Variants in OARD1 observed in about 807,000 individuals in gnomAD.
OARD1 encodes ADP-ribose glycohydrolase OARD1.
A neutral mutation model predicts 19.7 loss-of-function variants in OARD1; 19 were observed. That is an observed-to-expected ratio of 0.96 (90% CI 0.67 to 1.41). The LOEUF is 1.41. Ranked by LOEUF, OARD1 falls within the 40% of genes most tolerant of loss-of-function variation. OARD1 has a pLI of 0.00. For synonymous variants in OARD1, 70 were observed against 61.8 expected, an observed-to-expected ratio of 1.13 and a Z score of -0.62; for missense variants, 190 against 183.8, an observed-to-expected ratio of 1.03 and a Z score of -0.20.
At chr6:41,079,212 C>A in intron 1 of OARD1, 1 of 1,542,484 alleles carries the variant, frequency 6.5e-7, no homozygotes, top group Non-Finnish European at 9.0e-7. Flanking sequence ...AAACTGATAA[C>A]AGCACCACTC....
rs746058657 is a variant in OARD1 at position 41,071,216 on chromosome 6, T to C, written c.100A>G (p.Ile34Val). 9 of 1,613,190 alleles carry C rather than the reference T, an allele frequency of 5.6e-6. No individual in the cohort carries two copies. The South Asian group carries it at 6.6e-5, about 12-fold the overall frequency. ...CPKTDSLAHCISEDCRMGAGI... is the reference protein window; with the variant it reads ...CPKTDSLAHCVSEDCRMGAGI... ...GCGCCCATGCGACAATCCTCACTGA[T>C]ACAGTGGGCTAAAGAGTCTGTTTTC... The change falls in exon 3 of 6, where the codon ATC becomes GTC. Residue 34 changes from isoleucine to valine, a missense_variant. Transcript: ENST00000424266.
chr6:41,096,683 A>G (rs1190216487), intron 1 of OARD1, among the ~76,000 whole-genome samples: 2 of 152,202 alleles, frequency 1.3e-5, no homozygotes, highest in African/African-American at 4.8e-5. Context: ...GGGGGAACTA[A>G]AGGTGGTTCT....
chr6:41,076,252 A>T (rs1763731473), upstream of OARD1, among the ~76,000 whole-genome samples: 1 of 152,208 alleles, frequency 6.6e-6, no homozygotes, highest in Admixed American at 6.5e-5. Context: ...TTAAAAGAAA[A>T]AAAAGAATAG....
intron 1 of OARD1, among the ~76,000 whole-genome samples, chr6:41,083,375 A>C (rs1763958960): frequency 1.3e-5 from 2 of 152,256 alleles, no homozygotes. Context: ...GAGGAATTCC[A>C]CCATGGAGAC....
chr6:41,089,750 T>G (rs1191186956), intron 1 of OARD1: 1 of 1,598,716 alleles, frequency 6.3e-7, no homozygotes, highest in African/African-American at 1.3e-5. Context: ...CAAAACTGAT[T>G]TGGAAGAGTC....
chr6:41,080,875 A>G, intron 1 of OARD1: 1 of 1,614,052 alleles, frequency 6.2e-7, no homozygotes, highest in Non-Finnish European at 8.5e-7. Flanking sequence ...GCCTCAGGCC[A>G]GCAAGTCCAG....
At position 41,071,127 on chromosome 6, in the gene OARD1, C is replaced by A. The variant is rs769550709; in HGVS notation, c.184+5G>T. On this transcript the variant is annotated splice_donor_5th_base_variant and intron_variant, in intron 3 of 5. Coordinates refer to ENST00000424266, the MANE Select transcript of OARD1 (RefSeq NM_001329686.2). ...CAAACCAGGTAAGTGGTTTCCAAAA[C>A]TCACGTTGATTTAAAAGTTCTTGCA... 1.2e-6 allele frequency: 2 copies of A among 1,614,068 alleles called. No individual in the cohort carries two copies. The highest frequency in any genetic ancestry group is 2.7e-5 in the African/African-American group (2 of 74,942).
chr6:41,091,535 C>T (rs1365730772), intron 1 of OARD1: 1 of 1,613,334 alleles, frequency 6.2e-7, no homozygotes, highest in Non-Finnish European at 8.5e-7. Context: ...AAGTTACAGT[C>T]CCTGTTTCAG....
chr6:41,081,039 A>T (rs538468324), intron 1 of OARD1: 5 of 593,456 alleles, frequency 8.4e-6, no homozygotes, highest in Non-Finnish European at 1.2e-5. Flanking sequence ...TTTGAGGCTT[A>T]TAAGATGCCA....
At chr6:41,072,580 T>G (rs1763525496), upstream of OARD1, 2 of 152,436 alleles carry the variant, frequency 1.3e-5, no homozygotes, top group African/African-American at 2.4e-5. Context: ...AATTCCGTGG[T>G]TTCCCGCCGC....
chr6:41,073,425 A>AT (rs1371330323), upstream of OARD1, among the ~76,000 whole-genome samples: 2 of 151,874 alleles, frequency 1.3e-5, no homozygotes, highest in South Asian at 2.1e-4. Flanking sequence ...GGGGCCACGA[A>AT]TGGCCCTACA....
At chr6:41,075,563 T>G (rs537786732), upstream of OARD1, 3 of 152,348 alleles carry the variant, frequency 2.0e-5, no homozygotes, top group Middle Eastern at 3.4e-3. Context: ...TTTTTCCTGT[T>G]TAGTCCACTG....
chr6:41,073,994 AC>A (rs1467187636), upstream of OARD1, among the ~76,000 whole-genome samples: 7 of 151,438 alleles, frequency 4.6e-5, no homozygotes, highest in Admixed American at 3.3e-4. Flanking sequence ...GAAGATTGAT[AC>A]CCTTGCGCAT....
chr6:41,073,543 A>C (rs1763610089), upstream of OARD1, among the ~76,000 whole-genome samples: 2 of 151,766 alleles, frequency 1.3e-5, no homozygotes, highest in South Asian at 4.2e-4. Flanking sequence ...TTGGGACAGG[A>C]AGCCTCCCCG....
chr6:41,086,519 G>T (rs1010644016), intron 1 of OARD1, among the ~76,000 whole-genome samples: 7 of 149,306 alleles, frequency 4.7e-5, no homozygotes. Context: ...CCTTTGTATA[G>T]GAGTTTTTTT....
intron 1 of OARD1, chr6:41,090,319 C>T: frequency 6.3e-7 from 1 of 1,597,680 alleles, no homozygotes; most frequent in Non-Finnish European, 8.6e-7. Context: ...GGTAAGTGTA[C>T]CCATAAGCTT....
chr6:41,085,287 C>T (rs1204082761), intron 1 of OARD1, among the ~76,000 whole-genome samples: 1 of 151,974 alleles, frequency 6.6e-6, no homozygotes, highest in African/African-American at 2.4e-5. Flanking sequence ...TAGCATTGTA[C>T]TAGCAAAAAA....
At position 41,071,607 on chromosome 6, in the gene OARD1, C is replaced by T; in HGVS notation, c.28G>A (p.Glu10Lys). The T allele has an allele frequency of 6.2e-7, 1 of 1,613,454 alleles. No homozygotes were observed. Among genetic ancestry groups the T allele is most frequent in the Non-Finnish European group, 8.5e-7 (1 of 1,179,314 alleles). Residue 10 changes from glutamate (E) to lysine (K), a missense_variant, in exon 2 of 6, where the codon GAA (glutamate) becomes AAA (lysine). Physicochemically the swap from Glu to Lys is moderately conservative, Grantham distance 56 (BLOSUM62 1). Transcript: ENST00000424266. ...TAGTTGTTACGCACTCTGCTTCCTT[C>T]TGGATCTTCATTAAGGCTGCTGGCC... Reference protein sequence around the residue: MASSLNEDPEGSRITYVKGD... With the variant: MASSLNEDPKGSRITYVKGD...
At chr6:41,069,141 A>C (rs938186822) in intron 4 of OARD1, 188 bp from the exon 5 acceptor site, 7 of 411,406 alleles carry the variant, frequency 1.7e-5, no homozygotes, top group Admixed American at 4.6e-5. Context: ...AAATCCACTA[A>C]ATAGAGGCTG....
Sources: gnomAD v4.1 joint callset for allele counts (sites outside exome capture counted in the v4.1 genomes callset) on GRCh38, gnomAD v4.1.1 for gene constraint, MANE v1.5 for transcripts, NCBI Gene and HGNC (gene_info 2026-07-23, HGNC 2026-07-21) for gene names.